Variants in DNAJB1 observed in about 807,000 individuals in gnomAD.
The protein encoded by DNAJB1 is dnaJ homolog subfamily B member 1.
Under a neutral mutation model 24.0 loss-of-function variants are expected in DNAJB1, and 14 were observed. That is an observed-to-expected ratio of 0.58 (90% CI 0.39 to 0.91). The LOEUF is 0.91. Among genes scored for constraint, DNAJB1 ranks in the 40% least tolerant of loss-of-function variants. The probability of loss-of-function intolerance (pLI) is 0.00; values close to 1 mark genes in which losing one functional copy is unlikely to be tolerated. For synonymous variants in DNAJB1, 262 were observed against 174.4 expected, an observed-to-expected ratio of 1.50 and a Z score of -3.96; for missense variants, 517 against 458.1, an observed-to-expected ratio of 1.13 and a Z score of -1.17.
chr19:14,530,708 C>G (rs1267894928), upstream of DNAJB1: 2 of 152,146 alleles, frequency 1.3e-5, no homozygotes, highest in East Asian at 3.9e-4. Context: ...CCATGCTGGT[C>G]CTCAAATGAA....
chr19:14,524,492 T>C (rs569346888), intron 2 of DNAJB1, among the ~76,000 whole-genome samples: 1 of 151,654 alleles, frequency 6.6e-6, no homozygotes, highest in African/African-American at 2.4e-5. Context: ...CACTGCACAC[T>C]AGCCTGAGAG....
At chr19:14,558,690 G>A (rs959193067) in intron 1 of DNAJB1, among the ~76,000 whole-genome samples, 4 of 152,140 alleles carry the variant, frequency 2.6e-5, no homozygotes, top group African/African-American at 9.7e-5. Flanking sequence ...CGTGGCCAGT[G>A]CTGGGACCTC....
At chr19:14,528,331 C>G (rs974040106) in intron 1 of DNAJB1, among the ~76,000 whole-genome samples, 1 of 151,702 alleles carries the variant, frequency 6.6e-6, no homozygotes, top group African/African-American at 2.4e-5. Context: ...CCTCCGCCTC[C>G]CGGGTTCAAG....
In DNAJB1 at chr19:14,515,985, A is replaced by C. The variant is rs745573140; in HGVS notation, c.978T>G (p.Ile326Met). The C allele has an allele frequency of 6.2e-7, 1 of 1,609,532 alleles. No individual in the cohort carries two copies. The highest frequency in any genetic ancestry group is 1.1e-5 in the South Asian group (1 of 90,804). Residue 326 changes from isoleucine to methionine, a missense_variant, in exon 3 of 3, where the codon ATT becomes ATG. Transcript: ENST00000254322. ...IEFEVIFPER[I>M]PQTSRTVLEQ... ...CAAGTACGGTTCTTGATGTCTGGGG[A>C]ATCCTTTCGGGGAAGATCACTTCAA...
chr19:14,517,222 C>T, intron 1 of DNAJB1, 176 bp from the exon 2 acceptor site: 1 of 622,942 alleles, frequency 1.6e-6, no homozygotes, highest in Non-Finnish European at 2.7e-6. Context: ...AGACGCCCCC[C>T]TACCAACAGT....
At chr19:14,535,205 TCCACTAAAAATA>T (rs1400890306) in intron 1 of DNAJB1, among the ~76,000 whole-genome samples, 1 of 150,776 alleles carries the variant, frequency 6.6e-6, no homozygotes, top group Non-Finnish European at 1.5e-5. Flanking sequence ...AAACCCCCTC[TCCACTAAAAATA>T]TAAAAATTGG....
chr19:14,529,814 A>G, upstream of DNAJB1: 3 of 1,559,946 alleles, frequency 1.9e-6, no homozygotes, highest in Non-Finnish European at 2.6e-6. Flanking sequence ...GCCCCGAAGG[A>G]AGAGCCAGAC....
intron 2 of DNAJB1, among the ~76,000 whole-genome samples, chr19:14,526,742 A>G (rs2072431649): frequency 6.6e-6 from 1 of 152,168 alleles, no homozygotes; most frequent in African/African-American, 2.4e-5. Context: ...GCCCTATCTA[A>G]CTGCAACCCA....
At position 14,556,413 on chromosome 19, in the gene DNAJB1, A is replaced by AAAAAAACAAAAAC. The variant is rs142293376; in HGVS notation, c.-2165-2096_-2165-2095insGTTTTTGTTTTTT. Among the ~76,000 whole-genome samples, 87 of 86,616 alleles carry AAAAAAACAAAAAC rather than the reference A, an allele frequency of 1.0e-3. 1 individual carries two copies. Among genetic ancestry groups the AAAAAAACAAAAAC allele is most frequent in the Admixed American group, 2.3e-3 (19 of 8,126 alleles). The allele number at this position is 86,616 out of a possible 152,430, so 56.8% of individuals were successfully genotyped here. On this transcript the variant is annotated intron_variant, in intron 1 of 5. Transcript: ENST00000679223. ...GGGCGACAGCGAGACTCTCTCAAAA[A>AAAAAAACAAAAAC]AAAAACAAAAACAAAAAAAACCACA... is the stretch of plus-strand genomic sequence containing the variant.
intron 1 of DNAJB1, among the ~76,000 whole-genome samples, chr19:14,556,826 A>G (rs1400120309): frequency 6.6e-6 from 1 of 152,036 alleles, no homozygotes; most frequent in Non-Finnish European, 1.5e-5. Context: ...GTGCGGCCAC[A>G]AGGGGGCAGT....
chr19:14,520,084 C>T (rs915715875), upstream of DNAJB1, among the ~76,000 whole-genome samples: 2 of 152,166 alleles, frequency 1.3e-5, no homozygotes, highest in Non-Finnish European at 2.9e-5. Context: ...CCTTAGCTTC[C>T]TCATCTGCAC....
At chr19:14,554,953 A>G (rs1010071868), upstream of DNAJB1, among the ~76,000 whole-genome samples, 9 of 148,338 alleles carry the variant, frequency 6.1e-5, no homozygotes, top group African/African-American at 1.5e-4. Flanking sequence ...TAATTTTTGT[A>G]TTTTTAGTAG....
chr19:14,518,872 C>T (rs1349679738), upstream of DNAJB1, among the ~76,000 whole-genome samples: 1 of 152,238 alleles, frequency 6.6e-6, no homozygotes, highest in Non-Finnish European at 1.5e-5. Context: ...CCGGTGACGC[C>T]GGACGAACTA....
chr19:14,521,128 C>T (rs2072354934), upstream of DNAJB1, among the ~76,000 whole-genome samples: 1 of 152,154 alleles, frequency 6.6e-6, no homozygotes, highest in African/African-American at 2.4e-5. Flanking sequence ...AAGGCTTTAA[C>T]ATGGCTCTGG....
At chr19:14,537,019 G>A (rs1290614796) in intron 1 of DNAJB1, among the ~76,000 whole-genome samples, 1 of 146,270 alleles carries the variant, frequency 6.8e-6, no homozygotes, top group Non-Finnish European at 1.5e-5. Flanking sequence ...GGACGGGGAG[G>A]GGTGTCGAGG....
intron 1 of DNAJB1, among the ~76,000 whole-genome samples, chr19:14,541,458 C>CCCGT (rs1378281351): frequency 1.3e-5 from 2 of 152,240 alleles, no homozygotes; most frequent in African/African-American, 4.8e-5. Context: ...CAGGCCTTTT[C>CCCGT]CCGTCATAGG....
upstream of DNAJB1, chr19:14,532,639 T>C (rs553880414): frequency 2.8e-4 from 42 of 151,856 alleles, no homozygotes; most frequent in African/African-American, 9.7e-4. Flanking sequence ...CAAGTACCCA[T>C]AGAGGCGATA....
Position 14,514,996 on chromosome 19 carries a change from T to C in DNAJB1, c.*944A>G, listed in dbSNP as rs2072231063. 1 of 152,536 alleles carries C rather than the reference T, an allele frequency of 6.6e-6. No homozygotes were observed. Among genetic ancestry groups the C allele is most frequent in the South Asian group, 2.1e-4 (1 of 4,830 alleles). The allele number at this position is 152,536 out of a possible 1,614,324, so 9.4% of individuals were successfully genotyped here. ...GGCTGCCGGGGACAGGTTTTGAGTG[T>C]ACACCAACTATACATGGAATTATAA... On this transcript the variant is annotated 3_prime_UTR_variant, in exon 3 of 3. Transcript: ENST00000254322.
At chr19:14,548,773 C>G (rs1162556570) in intron 1 of DNAJB1, among the ~76,000 whole-genome samples, 2 of 152,010 alleles carry the variant, frequency 1.3e-5, no homozygotes, top group Admixed American at 6.5e-5. Context: ...GACGGGTTCA[C>G]CATGTTGGCC....
Sources: gnomAD v4.1 joint callset for allele counts (sites outside exome capture counted in the v4.1 genomes callset) on GRCh38, gnomAD v4.1.1 for gene constraint, MANE v1.5 for transcripts, NCBI Gene and HGNC (gene_info 2026-07-23, HGNC 2026-07-21) for gene names.